The following CSMD1 variants were observed in gnomAD, a reference collection of about 807,000 sequenced individuals.
CSMD1 encodes the protein CUB and sushi domain-containing protein 1.
A neutral mutation model predicts 417.5 loss-of-function variants in CSMD1; 213 were observed. That is an observed-to-expected ratio of 0.51 (90% CI 0.46 to 0.57). The LOEUF (loss-of-function observed/expected upper bound fraction) is 0.57, where lower values mean the gene tolerates loss of function less well. Among genes scored for constraint, CSMD1 ranks in the 20% least tolerant of loss-of-function variants. CSMD1 has a pLI of 0.00. For synonymous variants in CSMD1, 2,862 were observed against 1,736.8 expected, an observed-to-expected ratio of 1.65 and a Z score of -16.11; for missense variants, 6,923 against 4,529.7, an observed-to-expected ratio of 1.53 and a Z score of -15.17.
chr8:4,718,577 T>A (rs527928376), intron 1 of CSMD1, among the ~76,000 whole-genome samples: 18 of 151,952 alleles, frequency 1.2e-4, no homozygotes, highest in Admixed American at 6.6e-4. Context: ...TTATAAAACA[T>A]GAAAAGGAGG....
At chr8:3,997,645 G>A (rs1863476) in intron 5 of CSMD1, among the ~76,000 whole-genome samples, 39 of 152,086 alleles carry the variant, frequency 2.6e-4, no homozygotes, top group African/African-American at 8.7e-4. Flanking sequence ...CTTTAAAACA[G>A]TCCAAAAATG....
intron 3 of CSMD1, among the ~76,000 whole-genome samples, chr8:4,186,845 A>AAG (rs11434985): frequency 6.6e-6 from 1 of 151,036 alleles, no homozygotes; most frequent in Non-Finnish European, 1.5e-5. Flanking sequence ...AAAAAAAAAA[A>AAG]ATCAGCCGGG....
chr8:4,801,551 C>T (rs889620276), intron 1 of CSMD1, among the ~76,000 whole-genome samples: 4 of 151,862 alleles, frequency 2.6e-5, no homozygotes, highest in Non-Finnish European at 4.4e-5. Context: ...CAAATCTTTT[C>T]TATTAATTTA....
chr8:3,508,777 C>T (rs1796941768), intron 10 of CSMD1, among the ~76,000 whole-genome samples: 1 of 151,988 alleles, frequency 6.6e-6, no homozygotes, highest in Admixed American at 6.6e-5. Context: ...GGACAGAACG[C>T]CTCCGTAATG....
chr8:3,908,875 A>G (rs1029479614), intron 5 of CSMD1, among the ~76,000 whole-genome samples: 4 of 152,230 alleles, frequency 2.6e-5, no homozygotes, highest in African/African-American at 7.2e-5. Context: ...AGGTAATATA[A>G]TAACACACCT....
chr8:3,321,891 C>T (rs898820682), intron 23 of CSMD1, among the ~76,000 whole-genome samples: 3 of 152,148 alleles, frequency 2.0e-5, no homozygotes, highest in South Asian at 2.1e-4. Flanking sequence ...AGCACTCAAC[C>T]AGAAATATGC....
At chr8:4,640,593 G>A (rs985054935) in intron 1 of CSMD1, among the ~76,000 whole-genome samples, 1 of 152,026 alleles carries the variant, frequency 6.6e-6, no homozygotes, top group Non-Finnish European at 1.5e-5. Context: ...CTTTGTAAAC[G>A]ATGTACATCT....
At chr8:3,072,659 T>G (rs1813398699) in intron 49 of CSMD1, among the ~76,000 whole-genome samples, 1 of 152,152 alleles carries the variant, frequency 6.6e-6, no homozygotes, top group Admixed American at 6.5e-5. Flanking sequence ...GTATCCCAAT[T>G]TTAATTAGCA....
At chr8:3,676,992 G>A (rs748100345) in intron 7 of CSMD1, among the ~76,000 whole-genome samples, 1 of 152,032 alleles carries the variant, frequency 6.6e-6, no homozygotes, top group Non-Finnish European at 1.5e-5. Flanking sequence ...ATCATGGACC[G>A]GGGCCTGTTG....
intron 1 of CSMD1, among the ~76,000 whole-genome samples, chr8:4,899,152 A>C (rs1216585450): frequency 1.3e-5 from 2 of 152,198 alleles, no homozygotes; most frequent in Non-Finnish European, 2.9e-5. Context: ...AAATTGAGCT[A>C]AAACCTTTCT....
chr8:4,159,666 G>A (rs1481323834), intron 3 of CSMD1, among the ~76,000 whole-genome samples: 2 of 152,138 alleles, frequency 1.3e-5, no homozygotes, highest in African/African-American at 4.8e-5. Flanking sequence ...TCGGCTCACT[G>A]CAAGCTCCCC....
At chr8:4,930,407 G>A (rs74929028) in intron 1 of CSMD1, among the ~76,000 whole-genome samples, 2,249 of 152,104 alleles carry the variant, frequency 0.015, 24 homozygotes, top group Non-Finnish European at 0.023. Flanking sequence ...ACATATACAT[G>A]CACACATCAT....
rs1802974491 is a variant in CSMD1 at position 4,638,374 on chromosome 8, G to GC, written c.86-817dup. 1.3e-5 allele frequency among the ~76,000 whole-genome samples: 2 copies of GC among 152,184 alleles called. 1 individual carries two copies. Among genetic ancestry groups the GC allele is most frequent in the South Asian group, 4.1e-4 (2 of 4,824 alleles). On this transcript the variant is annotated intron_variant, in intron 1 of 69. Coordinates refer to ENST00000635120, the MANE Select transcript of CSMD1 (RefSeq NM_033225.6). ...ACGCCAGTGATTGATCGGTGCCTGT[G>GC]CTGGCAAATGTCTTACTGGGCAGAA...
In CSMD1 at chr8:4,815,603, G is replaced by A. The variant is rs183051510; in HGVS notation, c.86-178045C>T. 5.3e-5 allele frequency among the ~76,000 whole-genome samples: 8 copies of A among 150,424 alleles called. No individual in the cohort carries two copies. In the East Asian group the frequency reaches 7.9e-4, roughly 15 times the overall value. On this transcript the variant is annotated intron_variant, in intron 1 of 69. Coordinates refer to ENST00000635120, the MANE Select transcript of CSMD1 (RefSeq NM_033225.6). ...CCCAGCTATTTGGGAGGCTGAGGCA[G>A]GAGAAGCGCTTGAACCCAGGAGATG...
At chr8:3,141,620 G>T (rs1219482430) in intron 41 of CSMD1, among the ~76,000 whole-genome samples, 1 of 152,008 alleles carries the variant, frequency 6.6e-6, no homozygotes, top group African/African-American at 2.4e-5. Flanking sequence ...ATATGTTGCA[G>T]ACCCTGCACC....
intron 1 of CSMD1, among the ~76,000 whole-genome samples, chr8:4,781,450 A>T (rs1464852149): frequency 6.6e-6 from 1 of 152,238 alleles, no homozygotes; most frequent in Non-Finnish European, 1.5e-5. Context: ...CCGTCATCTT[A>T]TCTGATGTTT....
intron 7 of CSMD1, among the ~76,000 whole-genome samples, chr8:3,688,187 G>A (rs1041042807): frequency 2.0e-5 from 3 of 152,126 alleles, no homozygotes; most frequent in Non-Finnish European, 2.9e-5. Context: ...GGCATAAATT[G>A]GACACAATGA....
At chr8:4,447,506 C>A (rs1798883572) in intron 2 of CSMD1, among the ~76,000 whole-genome samples, 1 of 152,144 alleles carries the variant, frequency 6.6e-6, no homozygotes, top group Admixed American at 6.5e-5. Context: ...TGTGAATGTT[C>A]TTTGGAGAGG....
At chr8:2,954,551 T>A (rs913565669) in intron 64 of CSMD1, among the ~76,000 whole-genome samples, 1 of 152,180 alleles carries the variant, frequency 6.6e-6, no homozygotes, top group African/African-American at 2.4e-5. Flanking sequence ...GGGTGCCTTC[T>A]ATGACATTTC....
Sources: gnomAD v4.1 joint callset for allele counts (sites outside exome capture counted in the v4.1 genomes callset) on GRCh38, gnomAD v4.1.1 for gene constraint, MANE v1.5 for transcripts, NCBI Gene and HGNC (gene_info 2026-07-23, HGNC 2026-07-21) for gene names.